CELF4: variants seen among roughly 807,000 people sequenced by gnomAD.
The protein encoded by CELF4 is CUG-BP- and ETR-3-like factor 4.
Under a neutral mutation model 59.9 loss-of-function variants are expected in CELF4, and 18 were observed. The ratio of observed to expected loss-of-function variants is 0.30; its 90% confidence interval spans 0.21 to 0.45. CELF4 has a LOEUF of 0.45. CELF4 is among the 20% of genes least tolerant of loss of function. CELF4 has a pLI of 1.00. For synonymous variants in CELF4, 261 were observed against 267.1 expected (o/e 0.98, Z 0.22); for missense variants, 456 against 689.0 (o/e 0.66, Z 3.79).
intron 2 of CELF4, among the ~76,000 whole-genome samples, chr18:37,481,982 TA>T (rs1449633274): frequency 2.6e-5 from 4 of 152,376 alleles, no homozygotes; most frequent in Admixed American, 1.3e-4. Flanking sequence ...GCAATGTAGG[TA>T]AAGTGCTTGG....
At chr18:37,554,181 G>C (rs1431942733) in intron 1 of CELF4, among the ~76,000 whole-genome samples, 1 of 152,154 alleles carries the variant, frequency 6.6e-6, no homozygotes, top group Non-Finnish European at 1.5e-5. Flanking sequence ...GAGCCAGTCC[G>C]GGGGCCTGGG....
intron 2 of CELF4, among the ~76,000 whole-genome samples, chr18:37,348,311 C>G (rs2098338977): frequency 6.6e-6 from 1 of 152,166 alleles, no homozygotes; most frequent in African/African-American, 2.4e-5. Flanking sequence ...CCCTGAAAAG[C>G]CTCCTGGGCC....
chr18:37,400,650 C>T (rs1483381859), intron 2 of CELF4, among the ~76,000 whole-genome samples: 1 of 152,214 alleles, frequency 6.6e-6, no homozygotes, highest in East Asian at 1.9e-4. Context: ...GTCCAGCTTC[C>T]CACACCAGGC....
Position 37,323,032 on chromosome 18 carries a change from G to A in CELF4, c.370-1151C>T, listed in dbSNP as rs545901960. ...CGTTGCCAATTCCCTCCCGTACAGC[G>A]GCTGGACCAGCCAGTCACAAGCTTC... On this transcript the variant is annotated intron_variant, in intron 2 of 12. Transcript: ENST00000420428. Among the ~76,000 whole-genome samples the A allele has an allele frequency of 2.4e-3, 360 of 152,226 alleles. 2 individuals are homozygous for A. Among genetic ancestry groups the A allele is most frequent in the African/African-American group, 8.1e-3 (335 of 41,530 alleles).
intron 3 of CELF4, among the ~76,000 whole-genome samples, chr18:37,301,098 G>A (rs1476595980): frequency 1.3e-5 from 2 of 152,280 alleles, no homozygotes; most frequent in Middle Eastern, 3.4e-3. Flanking sequence ...AAAGGAAGGG[G>A]GCAGTTGTCC....
intron 2 of CELF4, among the ~76,000 whole-genome samples, chr18:37,463,154 G>A (rs190915570): frequency 2.4e-4 from 37 of 152,206 alleles, no homozygotes; most frequent in Admixed American, 1.0e-3. Context: ...GAAATGTGGC[G>A]GCCCTAGTTC....
chr18:37,535,448 C>T (rs1482057025), intron 1 of CELF4, among the ~76,000 whole-genome samples: 1 of 152,198 alleles, frequency 6.6e-6, no homozygotes, highest in Non-Finnish European at 1.5e-5. Flanking sequence ...TTCCGAGCAG[C>T]TCCCAGTCCC....
intron 2 of CELF4, among the ~76,000 whole-genome samples, chr18:37,383,378 G>A (rs1276395557): frequency 6.6e-6 from 1 of 152,196 alleles, no homozygotes; most frequent in Non-Finnish European, 1.5e-5. Context: ...GAGACAAACT[G>A]GGGGCAGGAG....
At chr18:37,481,491 G>A (rs761101591) in intron 2 of CELF4, among the ~76,000 whole-genome samples, 7 of 152,188 alleles carry the variant, frequency 4.6e-5, no homozygotes, top group Non-Finnish European at 7.3e-5. Flanking sequence ...CCTGGAAGAC[G>A]ATTCCCCACA....
At chr18:37,513,110 C>T (rs889973305) in intron 1 of CELF4, among the ~76,000 whole-genome samples, 1 of 152,176 alleles carries the variant, frequency 6.6e-6, no homozygotes, top group Non-Finnish European at 1.5e-5. Flanking sequence ...CATGACCTTC[C>T]CTAGCATCCA....
intron 1 of CELF4, among the ~76,000 whole-genome samples, chr18:37,546,240 A>G (rs983132849): frequency 6.6e-6 from 1 of 151,924 alleles, no homozygotes; most frequent in Admixed American, 6.6e-5. Flanking sequence ...ACTTGCATAC[A>G]CTCAGCATGT....
intron 3 of CELF4, among the ~76,000 whole-genome samples, chr18:37,313,994 G>C (rs946389665): frequency 6.6e-6 from 1 of 152,198 alleles, no homozygotes; most frequent in Non-Finnish European, 1.5e-5. Context: ...CTGCAGGAAC[G>C]CTGGACACTT....
chr18:37,520,076 C>T (rs756791869), intron 1 of CELF4, among the ~76,000 whole-genome samples: 14 of 152,138 alleles, frequency 9.2e-5, no homozygotes, highest in South Asian at 4.1e-4. Context: ...CCAAGCAAGG[C>T]GGGGAGGCCT....
chr18:37,527,303 T>A (rs1201947211), intron 1 of CELF4, among the ~76,000 whole-genome samples: 1 of 151,500 alleles, frequency 6.6e-6, no homozygotes, highest in Non-Finnish European at 1.5e-5. Context: ...TAGAGAAGGG[T>A]CACCAGCCCA....
intron 2 of CELF4, among the ~76,000 whole-genome samples, chr18:37,403,775 C>T (rs1434860167): frequency 6.6e-6 from 1 of 152,212 alleles, no homozygotes; most frequent in Non-Finnish European, 1.5e-5. Flanking sequence ...ATGATGTGTG[C>T]AGGCTCATGC....
intron 8 of CELF4, 67 bp downstream of exon 8, chr18:37,270,700 CA>C: frequency 6.3e-7 from 1 of 1,580,364 alleles, no homozygotes; most frequent in Non-Finnish European, 8.7e-7. Flanking sequence ...GTTATAACAG[CA>C]AGGGCAGGGA....
chr18:37,544,558 G>A (rs1210930843), intron 1 of CELF4, among the ~76,000 whole-genome samples: 1 of 152,216 alleles, frequency 6.6e-6, no homozygotes, highest in Non-Finnish European at 1.5e-5. Flanking sequence ...TATGTCACCA[G>A]AGGAGTTGGC....
At chr18:37,494,927 A>G (rs1444102729) in intron 1 of CELF4, among the ~76,000 whole-genome samples, 1 of 152,278 alleles carries the variant, frequency 6.6e-6, no homozygotes, top group East Asian at 1.9e-4. Context: ...CAGACACCCA[A>G]GTAGAGTCAG....
intron 2 of CELF4, among the ~76,000 whole-genome samples, chr18:37,391,328 C>G (rs2099159604): frequency 6.6e-6 from 1 of 152,228 alleles, no homozygotes; most frequent in Non-Finnish European, 1.5e-5. Context: ...TAAGGAGCAG[C>G]ACCCTTGCCC....
Sources: gnomAD v4.1 joint callset for allele counts (sites outside exome capture counted in the v4.1 genomes callset) on GRCh38, gnomAD v4.1.1 for gene constraint, MANE v1.5 for transcripts, NCBI Gene and HGNC (gene_info 2026-07-23, HGNC 2026-07-21) for gene names.